ANO2: variants seen among roughly 807,000 people sequenced by gnomAD.
The protein encoded by ANO2 is anoctamin 2.
ANO2 carries 101 observed loss-of-function variants against 124.2 expected under a neutral mutation model. The ratio of observed to expected loss-of-function variants is 0.81; its 90% CI spans 0.69 to 0.96. ANO2 has a LOEUF of 0.96. Ranked by LOEUF, ANO2 falls within the 40% of genes least tolerant of loss-of-function variation. The probability of loss-of-function intolerance (pLI) is 0.00; values close to 1 mark genes in which losing one functional copy is unlikely to be tolerated. For synonymous variants in ANO2, 486 were observed against 482.5 expected (o/e 1.01, Z -0.09); for missense variants, 1,293 against 1,274.5 (o/e 1.01, Z -0.22).
intron 1 of ANO2, among the ~76,000 whole-genome samples, chr12:5,928,399 T>A (rs1413973452): frequency 3.3e-5 from 5 of 151,608 alleles, no homozygotes; most frequent in Admixed American, 3.3e-4. Context: ...TAGTCTACTT[T>A]CCTTCCTCAC....
At chr12:5,576,334 C>G (rs140820964) in intron 22 of ANO2, among the ~76,000 whole-genome samples, 294 of 152,224 alleles carry the variant, frequency 1.9e-3, no homozygotes, top group Non-Finnish European at 3.6e-3. Flanking sequence ...GTTGAGCAAG[C>G]CAAAACAGGG....
At chr12:5,873,196 G>GCTCGCTCGCTCTCT (rs1393522452) in intron 3 of ANO2, among the ~76,000 whole-genome samples, 1 of 118,934 alleles carries the variant, frequency 8.4e-6, no homozygotes, top group Non-Finnish European at 1.7e-5. Context: ...GCCTAAAGCA[G>GCTCGCTCGCTCTCT]CTCTCTCTCT....
chr12:5,596,599 G>A (rs7133724), intron 20 of ANO2, among the ~76,000 whole-genome samples: 145,806 of 152,184 alleles, frequency 0.96, 70,161 homozygotes, highest in East Asian at 1. Context: ...CTTGGTGTGA[G>A]TTCCTTCCCA....
chr12:5,686,955 T>C (rs143292465), intron 14 of ANO2, among the ~76,000 whole-genome samples: 1 of 152,272 alleles, frequency 6.6e-6, no homozygotes, highest in African/African-American at 2.4e-5. Flanking sequence ...AGGTGAAAGA[T>C]CTCAGCCCTA....
At chr12:5,767,857 C>T (rs927262502) in intron 10 of ANO2, among the ~76,000 whole-genome samples, 1 of 152,168 alleles carries the variant, frequency 6.6e-6, no homozygotes, top group African/African-American at 2.4e-5. Context: ...CTTGTCTAGA[C>T]CCTGGAGGCT....
At position 5,894,259 on chromosome 12, in the gene ANO2, A is replaced by G. The variant is rs188479964; in HGVS notation, c.534+26781T>C. ...GACCAGTGGTGATGAGTTTTTTTTC[A>G]TCTGTTTGTTGGCCACATAAATGTC... On this transcript the variant is annotated intron_variant, in intron 3 of 24. Coordinates refer to ENST00000682330, the MANE Select transcript of ANO2 (RefSeq NM_001364791.2). Among the ~76,000 whole-genome samples the G allele has an allele frequency of 2.5e-3, 377 of 151,926 alleles. 3 individuals carry two copies. Among genetic ancestry groups the G allele is most frequent in the African/African-American group, 8.7e-3 (362 of 41,422 alleles).
Position 5,647,821 on chromosome 12 carries a change from T to G in ANO2, c.1546-20A>C. On this transcript the variant is annotated intron_variant, in intron 14 of 24. Transcript: ENST00000682330. ...ATCATCCTGGGGAGAAACGGGAGAG[T>G]AGAGACAATCAGGAGGCACAAATAA... 2 of 1,587,966 alleles carry G rather than the reference T, an allele frequency of 1.3e-6. No individual in the cohort carries two copies. The highest frequency in any genetic ancestry group is 1.7e-6 in the Non-Finnish European group (2 of 1,161,092).
At chr12:5,790,448 C>A (rs1952665020) in intron 10 of ANO2, among the ~76,000 whole-genome samples, 1 of 152,284 alleles carries the variant, frequency 6.6e-6, no homozygotes, top group Non-Finnish European at 1.5e-5. Flanking sequence ...GCCTTAGCCC[C>A]TTCTCAAGTC....
At chr12:5,814,093 G>A (rs967436866) in intron 7 of ANO2, among the ~76,000 whole-genome samples, 2 of 152,142 alleles carry the variant, frequency 1.3e-5, no homozygotes, top group African/African-American at 2.4e-5. Flanking sequence ...GCAGTATTGA[G>A]ACCCCTGGCC....
chr12:5,933,071 C>T (rs561579426), intron 1 of ANO2, among the ~76,000 whole-genome samples: 30 of 152,270 alleles, frequency 2.0e-4, no homozygotes, highest in Non-Finnish European at 4.0e-4. Flanking sequence ...CTGCGGAGTC[C>T]CCACAAGGGG....
At chr12:5,727,141 C>T (rs892676742) in intron 14 of ANO2, among the ~76,000 whole-genome samples, 3 of 152,190 alleles carry the variant, frequency 2.0e-5, no homozygotes, top group Admixed American at 6.5e-5. Context: ...TGGAGACTGG[C>T]GGGAGGTGTT....
intron 14 of ANO2, among the ~76,000 whole-genome samples, chr12:5,698,063 T>G (rs1043259876): frequency 1.3e-5 from 2 of 152,228 alleles, no homozygotes; most frequent in African/African-American, 4.8e-5. Flanking sequence ...TTCTGCAGAC[T>G]TAAATGTCCC....
At chr12:5,879,926 T>A (rs1938366588) in intron 3 of ANO2, among the ~76,000 whole-genome samples, 1 of 152,216 alleles carries the variant, frequency 6.6e-6, no homozygotes, top group African/African-American at 2.4e-5. Flanking sequence ...TTTGGAAAGA[T>A]CACTCTGATA....
At chr12:5,759,152 CA>C (rs34935879) in intron 10 of ANO2, among the ~76,000 whole-genome samples, 58,689 of 136,894 alleles carry the variant, frequency 0.43, 12,483 homozygotes, top group African/African-American at 0.58. Context: ...CCAAAAGTTA[CA>C]AAAAAAAAAA....
At chr12:5,906,301 C>T (rs895305853) in intron 3 of ANO2, among the ~76,000 whole-genome samples, 4 of 145,406 alleles carry the variant, frequency 2.8e-5, no homozygotes, top group Non-Finnish European at 4.5e-5. Context: ...AATCATTCAA[C>T]AAACAGCACT....
At chr12:5,733,714 A>T (rs1400695798) in intron 13 of ANO2, among the ~76,000 whole-genome samples, 2 of 152,208 alleles carry the variant, frequency 1.3e-5, no homozygotes, top group Non-Finnish European at 1.5e-5. Context: ...AAACAACTGC[A>T]GGCGGTGCCA....
intron 4 of ANO2, among the ~76,000 whole-genome samples, chr12:5,837,767 T>C (rs895414171): frequency 6.6e-6 from 1 of 150,918 alleles, no homozygotes; most frequent in Non-Finnish European, 1.5e-5. Context: ...GCAGGAAAGA[T>C]CCAAAATTGA....
At chr12:5,775,969 A>G (rs1952221975) in intron 10 of ANO2, among the ~76,000 whole-genome samples, 1 of 152,142 alleles carries the variant, frequency 6.6e-6, no homozygotes, top group Non-Finnish European at 1.5e-5. Flanking sequence ...ACCAGCTAAA[A>G]CCCATCCTCA....
At chr12:5,723,845 G>C (rs1197324478) in intron 14 of ANO2, among the ~76,000 whole-genome samples, 1 of 152,162 alleles carries the variant, frequency 6.6e-6, no homozygotes, top group African/African-American at 2.4e-5. Context: ...AGAAGGCCAA[G>C]GGGCAGTGTG....
Sources: allele counts gnomAD v4.1 joint callset (sites outside exome capture counted in the v4.1 genomes callset), GRCh38; gene constraint gnomAD v4.1.1; transcripts MANE v1.5; gene names NCBI Gene and HGNC (gene_info 2026-07-23, HGNC 2026-07-21).